Variants in TNIK observed in about 807,000 individuals in gnomAD.
TNIK encodes TRAF2 and NCK interacting kinase.
A neutral mutation model predicts 191.3 loss-of-function variants in TNIK; 49 were observed. That is an observed-to-expected ratio of 0.26 (90% CI 0.20 to 0.32). The LOEUF is 0.32. TNIK is among the 10% of genes least tolerant of loss of function. TNIK has a pLI of 1.00. For synonymous variants in TNIK, 594 were observed against 600.9 expected, an observed-to-expected ratio of 0.99 and a Z score of 0.17; for missense variants, 1,155 against 1,702.3, an observed-to-expected ratio of 0.68 and a Z score of 5.66.
At chr3:171,094,141 T>G in intron 22 of TNIK, among the ~76,000 whole-genome samples, 173 bp from the exon 23 acceptor site, 1 of 149,150 alleles carries the variant, frequency 6.7e-6, no homozygotes, top group East Asian at 1.9e-4. Flanking sequence ...TCATATTAAT[T>G]TTTTTTTTTT....
chr3:171,138,078 T>A (rs73169771), intron 15 of TNIK, 113 bp downstream of exon 15: 77,869 of 996,422 alleles, frequency 0.078, 3,555 homozygotes, highest in Non-Finnish European at 0.088. Flanking sequence ...ATGTGTCTTA[T>A]GATGAATTGT....
In TNIK at chr3:171,128,751, G is replaced by A; in HGVS notation, c.1736C>T (p.Ala579Val). Residue 579 changes from alanine (A) to valine (V), a missense_variant, in exon 16 of 33, where the codon GCT becomes GTT. Physicochemically the swap from Ala to Val is moderately conservative, Grantham distance 64 (BLOSUM62 0). Around this residue, in one of 3 missense-constraint regions of TNIK, gnomAD observed 735 missense variants for 848.0 expected, o/e 0.87. Coordinates refer to ENST00000436636, the MANE Select transcript of TNIK (RefSeq NM_015028.4). ...ESFSISGVQP[A>V]RTPPMLRPVD... ...TGGTCTGAGCATGGGGGGTGTTCGA[G>A]CAGGCTGAACTCCACTAATGCTGAA... is the stretch of plus-strand genomic sequence containing the variant. 1 of 1,613,552 alleles carries A rather than the reference G, an allele frequency of 6.2e-7. No homozygotes were observed. Among genetic ancestry groups the A allele is most frequent in the Non-Finnish European group, 8.5e-7 (1 of 1,179,784 alleles).
chr3:171,452,248 G>A (rs1728251595), intron 1 of TNIK, among the ~76,000 whole-genome samples: 1 of 152,054 alleles, frequency 6.6e-6, no homozygotes, highest in South Asian at 2.1e-4. Context: ...AATTAGAAAG[G>A]GATGTTACGT....
intron 2 of TNIK, among the ~76,000 whole-genome samples, chr3:171,268,953 A>AT (rs2109176279): frequency 6.6e-6 from 1 of 152,336 alleles, no homozygotes; most frequent in African/African-American, 2.4e-5. Context: ...CCAGAAGTAT[A>AT]TTCACCCACA....
At chr3:171,283,809 C>T (rs1246940805) in intron 2 of TNIK, among the ~76,000 whole-genome samples, 1 of 152,118 alleles carries the variant, frequency 6.6e-6, no homozygotes, top group Non-Finnish European at 1.5e-5. Flanking sequence ...GCAGTGATGG[C>T]GCTGCATGGG....
At chr3:171,214,250 T>C (rs1182034722) in intron 3 of TNIK, among the ~76,000 whole-genome samples, 3 of 151,644 alleles carry the variant, frequency 2.0e-5, no homozygotes, top group Non-Finnish European at 2.9e-5. Context: ...CATTTAACCA[T>C]GTCACAAAGA....
At chr3:171,341,975 T>G (rs932863503) in intron 2 of TNIK, among the ~76,000 whole-genome samples, 3 of 152,212 alleles carry the variant, frequency 2.0e-5, no homozygotes, top group African/African-American at 7.2e-5. Context: ...CAAGATGTTT[T>G]ACATTTTTAT....
chr3:171,274,925 A>C (rs918546660), intron 2 of TNIK, among the ~76,000 whole-genome samples: 1 of 152,228 alleles, frequency 6.6e-6, no homozygotes, highest in Non-Finnish European at 1.5e-5. Flanking sequence ...AACTGGGCAA[A>C]ACTTGAGATT....
At chr3:171,447,682 C>T (rs1727675257) in intron 1 of TNIK, among the ~76,000 whole-genome samples, 1 of 152,358 alleles carries the variant, frequency 6.6e-6, no homozygotes, top group South Asian at 2.1e-4. Flanking sequence ...GGAAGCCAAT[C>T]TGGCAATATC....
At chr3:171,152,141 C>T (rs1732513576) in intron 12 of TNIK, among the ~76,000 whole-genome samples, 3 of 151,914 alleles carry the variant, frequency 2.0e-5, no homozygotes, top group Non-Finnish European at 4.4e-5. Context: ...ACTAGCTGGG[C>T]GTGGTGGAGC....
At chr3:171,248,976 C>T (rs938971302) in intron 2 of TNIK, among the ~76,000 whole-genome samples, 9 of 152,020 alleles carry the variant, frequency 5.9e-5, no homozygotes, top group African/African-American at 2.2e-4. Flanking sequence ...ACTAGGACGA[C>T]GTTATAAATG....
At chr3:171,362,191 T>C (rs145237810) in intron 2 of TNIK, among the ~76,000 whole-genome samples, 1 of 152,316 alleles carries the variant, frequency 6.6e-6, no homozygotes, top group African/African-American at 2.4e-5. Context: ...TCTATTAACC[T>C]ATCTTCTCTT....
In TNIK at chr3:171,359,824, T is replaced by TA. The variant is rs1176397623; in HGVS notation, c.123+9795dup. Among the ~76,000 whole-genome samples the TA allele has an allele frequency of 2.6e-5, 4 of 152,322 alleles. No homozygotes were observed. The East Asian group carries it at 7.7e-4, about 29-fold the overall frequency. On this transcript the variant is annotated intron_variant, in intron 2 of 32. Transcript: ENST00000436636. ...AAATGTTTCCCATGTACAAAATAGTTAAAAACCGTGAAGAGCCCTAAATTC... is the reference window on the plus strand; with the variant it reads ...AAATGTTTCCCATGTACAAAATAGTTAAAAAACCGTGAAGAGCCCTAAATTC...
At chr3:171,140,334 C>T in intron 13 of TNIK, 65 bp downstream of exon 13, 3 of 1,355,810 alleles carry the variant, frequency 2.2e-6, no homozygotes, top group Non-Finnish European at 3.0e-6. Context: ...TGACCCACAC[C>T]CCAGAGAAGG....
At chr3:171,072,728 A>T (rs917100643) in intron 28 of TNIK, among the ~76,000 whole-genome samples, 1 of 152,142 alleles carries the variant, frequency 6.6e-6, no homozygotes, top group African/African-American at 2.4e-5. Flanking sequence ...AAGTTTCAGG[A>T]CACAAAATTA....
chr3:171,145,232 G>A (rs565822339), intron 12 of TNIK, among the ~76,000 whole-genome samples: 38 of 151,988 alleles, frequency 2.5e-4, no homozygotes, highest in East Asian at 5.8e-4. Flanking sequence ...GACTACAGGC[G>A]CCCGCCACCA....
intron 4 of TNIK, among the ~76,000 whole-genome samples, chr3:171,201,842 A>T (rs956296921): frequency 6.6e-6 from 1 of 152,144 alleles, no homozygotes; most frequent in African/African-American, 2.4e-5. Context: ...TCTGAATTAT[A>T]TTTTTCGACT....
At chr3:171,296,970 A>T (rs1456824806) in intron 2 of TNIK, among the ~76,000 whole-genome samples, 4 of 151,798 alleles carry the variant, frequency 2.6e-5, no homozygotes, top group African/African-American at 4.9e-5. Context: ...GAAGAACTTA[A>T]TTTTTTTTCC....
chr3:171,270,228 G>T (rs1246863109), intron 2 of TNIK, among the ~76,000 whole-genome samples: 1 of 152,092 alleles, frequency 6.6e-6, no homozygotes, highest in African/African-American at 2.4e-5. Context: ...TTAAGGGCTG[G>T]GGGCAACTGG....
Sources: gnomAD v4.1 joint callset for allele counts (sites outside exome capture counted in the v4.1 genomes callset) on GRCh38, gnomAD v4.1.1 for gene constraint, gnomAD v4.1.1 regional missense constraint, MANE v1.5 for transcripts, NCBI Gene and HGNC (gene_info 2026-07-23, HGNC 2026-07-21) for gene names.